VIT: variants seen among roughly 807,000 people sequenced by gnomAD.
VIT encodes vitrin.
Under a neutral mutation model 78.0 loss-of-function variants are expected in VIT, and 99 were observed. That is an observed-to-expected ratio of 1.27 (90% CI 1.08 to 1.50). The LOEUF is 1.50. Ranked by LOEUF, VIT falls within the 40% of genes most tolerant of loss-of-function variation. VIT has a pLI of 0.00. For missense variants in VIT, 1,126 were observed against 875.3 expected, an observed-to-expected ratio of 1.29 and a Z score of -3.61; for synonymous variants, 374 against 334.3, an observed-to-expected ratio of 1.12 and a Z score of -1.29.
chr2:36,808,020 T>A (rs1666855135), intron 14 of VIT, among the ~76,000 whole-genome samples: 1 of 152,252 alleles, frequency 6.6e-6, no homozygotes, highest in African/African-American at 2.4e-5. Context: ...GGAACAGGGC[T>A]GCTCTGGAGA....
intron 12 of VIT, among the ~76,000 whole-genome samples, chr2:36,796,749 G>A (rs1240098172): frequency 6.6e-6 from 1 of 151,958 alleles, no homozygotes; most frequent in Non-Finnish European, 1.5e-5. Context: ...TTACAGGCGT[G>A]AACCACCATG....
intron 9 of VIT, among the ~76,000 whole-genome samples, chr2:36,780,881 G>T (rs1264730984): frequency 6.6e-6 from 1 of 152,106 alleles, no homozygotes; most frequent in East Asian, 1.9e-4. Flanking sequence ...AGAAAGAAAG[G>T]GAAACAGCCA....
intron 9 of VIT, among the ~76,000 whole-genome samples, chr2:36,775,649 C>T (rs749166455): frequency 2.0e-5 from 3 of 152,102 alleles, no homozygotes; most frequent in Non-Finnish European, 4.4e-5. Context: ...CACTCTGTCT[C>T]GACCCACACA....
At chr2:36,738,665 A>T (rs1321416588) in intron 3 of VIT, among the ~76,000 whole-genome samples, 1 of 152,198 alleles carries the variant, frequency 6.6e-6, no homozygotes, top group African/African-American at 2.4e-5. Context: ...TGGAACTGGG[A>T]CCTAAAAGAT....
intron 7 of VIT, among the ~76,000 whole-genome samples, chr2:36,770,829 G>A (rs1207532592): frequency 6.6e-6 from 1 of 152,226 alleles, no homozygotes; most frequent in Admixed American, 6.5e-5. Flanking sequence ...GGTTGCCTCA[G>A]CTGAGCTAGC....
intron 5 of VIT, among the ~76,000 whole-genome samples, chr2:36,755,955 A>ATTTTTTTTTTTTTTT (rs58344336): frequency 9.2e-6 from 1 of 108,620 alleles, no homozygotes; most frequent in Non-Finnish European, 1.8e-5. Flanking sequence ...ACAACACAGT[A>ATTTTTTTTTTTTTTT]TTTTTTTTTT....
intron 7 of VIT, among the ~76,000 whole-genome samples, chr2:36,769,329 C>G (rs534008484): frequency 6.6e-6 from 1 of 152,310 alleles, no homozygotes; most frequent in Non-Finnish European, 1.5e-5. Context: ...GCAAGTTGGG[C>G]TCTGCTGGTG....
At chr2:36,698,947 AAAAAGAAAAG>A (rs1192289797) in intron 1 of VIT, among the ~76,000 whole-genome samples, 14 of 151,864 alleles carry the variant, frequency 9.2e-5, no homozygotes, top group African/African-American at 2.4e-4. Context: ...TGGTCTCAAA[AAAAAGAAAAG>A]AAAAGAAAAG....
At chr2:36,787,536 T>C (rs1665188414) in intron 12 of VIT, among the ~76,000 whole-genome samples, 1 of 152,240 alleles carries the variant, frequency 6.6e-6, no homozygotes. Context: ...TTTATTTGTC[T>C]GGAAAACAGG....
At chr2:36,708,236 C>A (rs1016370545) in intron 1 of VIT, among the ~76,000 whole-genome samples, 1 of 152,018 alleles carries the variant, frequency 6.6e-6, no homozygotes, top group Non-Finnish European at 1.5e-5. Flanking sequence ...GCAGATGTGG[C>A]CTCTCCCCAT....
intron 11 of VIT, among the ~76,000 whole-genome samples, chr2:36,785,274 A>C (rs1018344916): frequency 6.6e-6 from 1 of 152,202 alleles, no homozygotes; most frequent in Non-Finnish European, 1.5e-5. Context: ...TCTTGTTAAA[A>C]TGCACGTCTG....
intron 11 of VIT, among the ~76,000 whole-genome samples, chr2:36,783,636 G>C (rs1446422723): frequency 6.6e-6 from 1 of 152,228 alleles, no homozygotes; most frequent in Admixed American, 6.5e-5. Context: ...GCAACAGGGT[G>C]AAGAATGGGA....
At chr2:36,809,521 A>G (rs1233638425) in intron 15 of VIT, among the ~76,000 whole-genome samples, 1 of 152,140 alleles carries the variant, frequency 6.6e-6, no homozygotes. Flanking sequence ...AGGTTGAAGC[A>G]ATTCTCCTGC....
intron 15 of VIT, among the ~76,000 whole-genome samples, chr2:36,813,822 T>G (rs912886563): frequency 2.0e-5 from 3 of 152,206 alleles, no homozygotes; most frequent in Non-Finnish European, 4.4e-5. Flanking sequence ...AAAGTTTCAC[T>G]TGTCCCAAAA....
intron 1 of VIT, among the ~76,000 whole-genome samples, chr2:36,704,462 C>T (rs148283519): frequency 8.7e-4 from 133 of 152,226 alleles, no homozygotes; most frequent in African/African-American, 2.9e-3. Flanking sequence ...TTTAACAGGC[C>T]GCTATATATC....
intron 7 of VIT, among the ~76,000 whole-genome samples, chr2:36,769,624 T>C (rs1669630977): frequency 6.6e-6 from 1 of 152,174 alleles, no homozygotes. Flanking sequence ...TCTGAAGGCC[T>C]AAAAAGAAGT....
chr2:36,721,716 G>A (rs545923933), intron 2 of VIT, among the ~76,000 whole-genome samples: 2 of 151,298 alleles, frequency 1.3e-5, no homozygotes, highest in East Asian at 2.1e-4. Context: ...TGATTTCCCT[G>A]GGGAATGCAT....
intron 9 of VIT, among the ~76,000 whole-genome samples, chr2:36,780,176 C>T (rs943655499): frequency 6.6e-6 from 1 of 152,182 alleles, no homozygotes; most frequent in Non-Finnish European, 1.5e-5. Context: ...CCAAACAAAC[C>T]GAAAGTGGCA....
chr2:36,729,490 C>A lies in VIT; in HGVS notation c.117C>A (p.Phe39Leu). Residue 39 changes from phenylalanine to leucine, a missense_variant and splice_region_variant, in exon 3 of 16, where the codon TTC becomes TTA. Physicochemically the swap from Phe to Leu is conservative, Grantham distance 22 (BLOSUM62 0). Coordinates refer to ENST00000379242, the MANE Select transcript of VIT (RefSeq NM_053276.4). ...CAAAGAAGATTAAAAGGCCCAAGTT[C>A]AGTAAGTAAAATCACAATTCCTTGC... ...ETAKKIKRPK[F>L]TVPQINCDVK... 6.2e-7 allele frequency: 1 copy of A among 1,608,324 alleles called. No homozygotes were observed. The highest frequency in any genetic ancestry group is 1.1e-5 in the South Asian group (1 of 89,046).
Sources: gnomAD v4.1 joint callset for allele counts (sites outside exome capture counted in the v4.1 genomes callset) on GRCh38, gnomAD v4.1.1 for gene constraint, MANE v1.5 for transcripts, NCBI Gene and HGNC (gene_info 2026-07-23, HGNC 2026-07-21) for gene names.